Variants in PFKFB2 observed in about 807,000 individuals in gnomAD.
PFKFB2 encodes 6-phosphofructo-2-kinase/fructose-2,6-biphosphatase 2, also known as 6-phosphofructo-2-kinase/fructose-2,6-bisphosphatase 2.
A neutral mutation model predicts 68.0 loss-of-function variants in PFKFB2; 53 were observed. That is an observed-to-expected ratio of 0.78 (90% CI 0.63 to 0.98). PFKFB2 has a LOEUF of 0.98. PFKFB2 is among the 50% of genes least tolerant of loss of function. PFKFB2 has a pLI of 0.00. For synonymous variants in PFKFB2, 222 were observed against 227.6 expected, an observed-to-expected ratio of 0.98 and a Z score of 0.22; for missense variants, 451 against 642.0, an observed-to-expected ratio of 0.70 and a Z score of 3.22.
At chr1:207,065,396 G>A in intron 8 of PFKFB2, 1 of 810,414 alleles carries the variant, frequency 1.2e-6, no homozygotes. Flanking sequence ...TGTCACCCAG[G>A]CTGGAGTGCA....
chr1:207,068,385 C>A (rs927466862), intron 10 of PFKFB2, 76 bp downstream of exon 10: 2 of 1,290,660 alleles, frequency 1.5e-6, no homozygotes, highest in Non-Finnish European at 2.1e-6. Flanking sequence ...ACTATTTAGA[C>A]AGTTTTATCT....
chr1:207,060,174 C>T (rs1204386622), intron 2 of PFKFB2, among the ~76,000 whole-genome samples: 1 of 152,166 alleles, frequency 6.6e-6, no homozygotes, highest in African/African-American at 2.4e-5. Flanking sequence ...TGATGAGGAA[C>T]CTCTTTTTAT....
rs1486161101 is a variant in PFKFB2 at position 207,072,701 on chromosome 1, C to G, written c.*330C>G. On this transcript the variant is annotated 3_prime_UTR_variant, in exon 15 of 15. Transcript: ENST00000367080. ...CATGCCCCACACTCTTGGATCTTCT[C>G]TCTGTTCCCTGGTGTCTTCACTAAT... The G allele has an allele frequency of 1.9e-6, 2 of 1,073,626 alleles. No homozygotes were observed. Among genetic ancestry groups the G allele is most frequent in the Non-Finnish European group, 1.1e-6 (1 of 886,976 alleles). The allele number at this position is 1,073,626 out of a possible 1,614,324, so 66.5% of individuals were successfully genotyped here. A position where few individuals can be genotyped will look rare whatever the true frequency, so the allele number is the denominator to read the frequency against.
chr1:207,075,239 C>T lies in PFKFB2; in HGVS notation c.*2868C>T. On this transcript the variant is annotated 3_prime_UTR_variant, in exon 15 of 15. Coordinates refer to ENST00000367080, the MANE Select transcript of PFKFB2 (RefSeq NM_006212.2). The stretch of plus-strand genomic sequence containing the variant: ...TCTGGCTCTCAGCCTGCTGTTATTT[C>T]CCCACTCTCACCTGTGCTAGTTCGC... The T allele has an allele frequency of 1.0e-6, 1 of 985,460 alleles. No individual in the cohort carries two copies. Among genetic ancestry groups the T allele is most frequent in the Non-Finnish European group, 1.2e-6 (1 of 829,960 alleles). The allele number at this position is 985,460 out of a possible 1,614,324, so 61.0% of individuals were successfully genotyped here. A position where few individuals can be genotyped will look rare whatever the true frequency, so the allele number is the denominator to read the frequency against.
chr1:207,039,789 A>C (rs1682443546), intron 1 of PFKFB2, among the ~76,000 whole-genome samples: 1 of 152,050 alleles, frequency 6.6e-6, no homozygotes, highest in Non-Finnish European at 1.5e-5. Flanking sequence ...AAAGATAGTG[A>C]AGAATTTGGC....
chr1:207,080,034 G>A (rs1683723754), downstream of PFKFB2: 1 of 152,208 alleles, frequency 6.6e-6, no homozygotes, highest in South Asian at 2.1e-4. Flanking sequence ...TCATATAAAA[G>A]TGAGGGTGGC....
At chr1:207,051,336 G>T (rs749515815), upstream of PFKFB2, among the ~76,000 whole-genome samples, 1 of 152,042 alleles carries the variant, frequency 6.6e-6, no homozygotes, top group Non-Finnish European at 1.5e-5. Flanking sequence ...TTAAATTGGG[G>T]CTTCCACACT....
chr1:207,045,092 T>C (rs1308524839), intron 2 of PFKFB2: 6 of 152,450 alleles, frequency 3.9e-5, no homozygotes, highest in South Asian at 2.1e-4. Flanking sequence ...AAATCAAGTG[T>C]TTCACTTTGG....
In PFKFB2 at chr1:207,069,404, C is replaced by T. The variant is rs752423603; in HGVS notation, c.988-20C>T. 1.3e-6 allele frequency: 2 copies of T among 1,565,206 alleles called. No homozygotes were observed. Among genetic ancestry groups the T allele is most frequent in the Non-Finnish European group, 1.8e-6 (2 of 1,135,626 alleles). On this transcript the variant is annotated intron_variant, in intron 10 of 14. Coordinates refer to ENST00000367080, the MANE Select transcript of PFKFB2 (RefSeq NM_006212.2). ...GGTACAGTCTATCTCTTCAAGCCAG[C>T]TTCAAGTGGCTTTTTGCAGGGTGTG...
intron 9 of PFKFB2, 111 bp downstream of exon 9, chr1:207,067,817 T>C: frequency 1.1e-6 from 1 of 932,680 alleles, no homozygotes; most frequent in Non-Finnish European, 1.7e-6. Context: ...TAGGCTGTGG[T>C]TTCATAGTCA....
rs1205120008 is a variant in PFKFB2 at position 207,065,075 on chromosome 1, A to C, written c.547A>C (p.Arg183=). ...VSSPDYPERN[R]ENVMEDFLKR... Reference sequence around the variant, plus strand: ...AAGCCCTGACTATCCTGAAAGGAACAGAGAGAACGTGATGGAGGACTTCCT... The same window carrying C: ...AAGCCCTGACTATCCTGAAAGGAACCGAGAGAACGTGATGGAGGACTTCCT... The change falls in exon 8 of 15, where the codon AGA becomes CGA. Residue 183 remains arginine, a synonymous_variant. Transcript: ENST00000367080. 1 of 1,614,086 alleles carries C rather than the reference A, an allele frequency of 6.2e-7. No individual in the cohort carries two copies. The highest frequency in any genetic ancestry group is 2.2e-5 in the East Asian group (1 of 44,874).
In PFKFB2 at chr1:207,063,133, C is replaced by T. The variant is rs1034357943; in HGVS notation, c.309-10C>T. On this transcript the variant is annotated splice_polypyrimidine_tract_variant and intron_variant, in intron 4 of 14. Transcript: ENST00000367080. This position sits in a 1 kb window ranked among gnomAD's most constrained non-coding sequence, Gnocchi z 4.1. Reference sequence around the variant, plus strand: ...GCTCTCCTTGCTGGTTTCATTTGCTCTTATGGCAGACAGTGTGCTCTGGTG... The same window carrying T: ...GCTCTCCTTGCTGGTTTCATTTGCTTTTATGGCAGACAGTGTGCTCTGGTG... 8 of 1,612,666 alleles carry T rather than the reference C, an allele frequency of 5.0e-6. No homozygotes were observed. The African/African-American group carries it at 8.0e-5, about 16-fold the overall frequency.
At chr1:207,052,918 A>C (rs1316181234), upstream of PFKFB2, 1 of 152,218 alleles carries the variant, frequency 6.6e-6, no homozygotes, top group Non-Finnish European at 1.5e-5. Flanking sequence ...TGAGAGCGTT[A>C]ATCTTTGCAG....
At chr1:207,060,611 C>G (rs530583490) in intron 2 of PFKFB2, among the ~76,000 whole-genome samples, 4 of 152,250 alleles carry the variant, frequency 2.6e-5, no homozygotes, top group South Asian at 2.1e-4. Context: ...AGTGGGCAAG[C>G]TAATTCTTGC....
upstream of PFKFB2, chr1:207,049,809 T>C: frequency 7.8e-7 from 1 of 1,287,710 alleles, no homozygotes; most frequent in Non-Finnish European, 1.1e-6. Context: ...AATTACAAAC[T>C]GAAGGAGTTA....
At chr1:207,059,091 T>C (rs1309338132) in intron 2 of PFKFB2, among the ~76,000 whole-genome samples, 1 of 152,176 alleles carries the variant, frequency 6.6e-6, no homozygotes, top group Non-Finnish European at 1.5e-5. Context: ...TTGTAGCAGG[T>C]GTGCTTAAGT....
rs1683639960 is a variant in PFKFB2 at position 207,076,826 on chromosome 1, C to G, written c.*4455C>G. ...ATAGTAAAATTTGGGTGTTGCCTGA[C>G]TAACGGTCTAGGGTCTGTAAGCTGA... On this transcript the variant is annotated 3_prime_UTR_variant, in exon 15 of 15. Transcript: ENST00000367080. The G allele has an allele frequency of 1.0e-6, 1 of 985,264 alleles. No individual in the cohort carries two copies. The highest frequency in any genetic ancestry group is 1.7e-5 in the African/African-American group (1 of 57,214). 61.0% of individuals were successfully genotyped at this position (985,264 alleles called of 1,614,324 possible). A position where few individuals can be genotyped will look rare whatever the true frequency, so the allele number is the denominator to read the frequency against.
Position 207,074,592 on chromosome 1 carries a change from A to C in PFKFB2, c.*2221A>C. 1 of 985,392 alleles carries C rather than the reference A, an allele frequency of 1.0e-6. No homozygotes were observed. The highest frequency in any genetic ancestry group is 5.2e-4 in the Middle Eastern group (1 of 1,914). 61.0% of individuals were successfully genotyped at this position (985,392 alleles called of 1,614,324 possible). ...CAGCTTCTAAAGGCTGCTTACCTAGATTCTTCTCAAAATTGTGTCCAAGAT... is the reference window on the plus strand; with the variant it reads ...CAGCTTCTAAAGGCTGCTTACCTAGCTTCTTCTCAAAATTGTGTCCAAGAT... On this transcript the variant is annotated 3_prime_UTR_variant, in exon 15 of 15. Coordinates refer to ENST00000367080, the MANE Select transcript of PFKFB2 (RefSeq NM_006212.2).
intron 1 of PFKFB2, among the ~76,000 whole-genome samples, chr1:207,039,553 T>G (rs1228443649): frequency 6.6e-6 from 1 of 152,238 alleles, no homozygotes; most frequent in Admixed American, 6.5e-5. Context: ...CCCTGACAAA[T>G]TCTTACGAAA....
Sources: gnomAD v4.1 joint callset for allele counts (sites outside exome capture counted in the v4.1 genomes callset) on GRCh38, gnomAD v4.1.1 for gene constraint, Gnocchi (gnomAD v3.1) non-coding constraint, MANE v1.5 for transcripts, NCBI Gene and HGNC (gene_info 2026-07-23, HGNC 2026-07-21) for gene names.